Variants in IMMP2L observed in about 807,000 individuals in gnomAD.
IMMP2L encodes inner mitochondrial membrane peptidase subunit 2.
A neutral mutation model predicts 19.3 loss-of-function variants in IMMP2L; 18 were observed. That is an observed-to-expected ratio of 0.93 (90% CI 0.64 to 1.38). IMMP2L has a LOEUF of 1.38. IMMP2L is among the 40% of genes most tolerant of loss of function. The pLI is 0.00. For missense variants in IMMP2L, 233 were observed against 218.2 expected (o/e 1.07, Z -0.43); for synonymous variants, 76 against 73.0 (o/e 1.04, Z -0.21).
chr7:110,866,969 A>G (rs914332542), intron 5 of IMMP2L, among the ~76,000 whole-genome samples: 22 of 152,194 alleles, frequency 1.4e-4, no homozygotes, highest in Admixed American at 1.2e-3. Flanking sequence ...ATATATATAT[A>G]CCTCAATATA....
chr7:111,549,984 G>C (rs952639551), intron 1 of IMMP2L, among the ~76,000 whole-genome samples: 1 of 148,976 alleles, frequency 6.7e-6, no homozygotes, highest in African/African-American at 2.5e-5. Flanking sequence ...AAAAGCACAA[G>C]CTAATTCATT....
At chr7:111,472,846 A>C (rs1405399868) in intron 3 of IMMP2L, among the ~76,000 whole-genome samples, 1 of 152,108 alleles carries the variant, frequency 6.6e-6, no homozygotes, top group Non-Finnish European at 1.5e-5. Flanking sequence ...CTGTAATCCC[A>C]GCACTTTGGG....
At chr7:111,068,130 T>A (rs1037913806) in intron 3 of IMMP2L, among the ~76,000 whole-genome samples, 12 of 152,180 alleles carry the variant, frequency 7.9e-5, no homozygotes, top group Non-Finnish European at 1.6e-4. Flanking sequence ...TGTATATGTG[T>A]ATCAGCAAAT....
chr7:111,399,650 C>T (rs560187456), intron 3 of IMMP2L, among the ~76,000 whole-genome samples: 6 of 152,106 alleles, frequency 3.9e-5, no homozygotes, highest in Admixed American at 1.3e-4. Flanking sequence ...CCTCTGCACC[C>T]GGCCTAGATG....
intron 3 of IMMP2L, among the ~76,000 whole-genome samples, chr7:111,361,047 A>G (rs1482732326): frequency 1.3e-5 from 2 of 152,082 alleles, no homozygotes; most frequent in Non-Finnish European, 2.9e-5. Context: ...TTAGGGTCCT[A>G]AATTTTTAAG....
rs573427525 is a variant in IMMP2L at position 111,431,353 on chromosome 7, G to A, written c.239+55885C>T. 7.9e-5 allele frequency among the ~76,000 whole-genome samples: 12 copies of A among 151,874 alleles called. No individual in the cohort carries two copies. The East Asian group carries it at 1.2e-3, about 15-fold the overall frequency. On this transcript the variant is annotated intron_variant, in intron 3 of 5. Transcript: ENST00000405709. ...TCAGTGTAAAGAGAAATTGTTGTAC[G>A]CTCATGAGCAAGTCAGTTTGCTTGG...
intron 5 of IMMP2L, among the ~76,000 whole-genome samples, chr7:110,868,206 A>G (rs1168389442): frequency 6.6e-6 from 1 of 151,396 alleles, no homozygotes; most frequent in African/African-American, 2.4e-5. Context: ...GAGCAAGACT[A>G]ACTAAATCAA....
intron 3 of IMMP2L, among the ~76,000 whole-genome samples, chr7:111,472,639 G>C (rs934256443): frequency 3.3e-5 from 5 of 152,108 alleles, no homozygotes; most frequent in African/African-American, 1.2e-4. Flanking sequence ...ATTAAGAAAA[G>C]ACACAATTAT....
At chr7:111,128,866 C>T (rs775811762) in intron 3 of IMMP2L, among the ~76,000 whole-genome samples, 37 of 152,098 alleles carry the variant, frequency 2.4e-4, no homozygotes, top group Non-Finnish European at 1.0e-4. Context: ...TATTTCTATG[C>T]ATAAAACATG....
At chr7:110,824,548 G>A (rs1305872463) in intron 5 of IMMP2L, among the ~76,000 whole-genome samples, 1 of 151,864 alleles carries the variant, frequency 6.6e-6, no homozygotes, top group African/African-American at 2.4e-5. Context: ...TTTTAATTTT[G>A]GTAAAGATGG....
intron 5 of IMMP2L, among the ~76,000 whole-genome samples, chr7:110,878,590 A>C (rs1033494594): frequency 6.6e-6 from 1 of 152,100 alleles, no homozygotes; most frequent in Non-Finnish European, 1.5e-5. Flanking sequence ...AAATACAGTT[A>C]AATATTATTT....
intron 5 of IMMP2L, among the ~76,000 whole-genome samples, chr7:110,715,432 C>G (rs1310427142): frequency 6.6e-6 from 1 of 152,114 alleles, no homozygotes; most frequent in Non-Finnish European, 1.5e-5. Flanking sequence ...CTTAACACTG[C>G]TTTTGATACA....
chr7:110,986,271 C>T (rs983820807), intron 3 of IMMP2L, among the ~76,000 whole-genome samples: 2 of 152,042 alleles, frequency 1.3e-5, no homozygotes, highest in Non-Finnish European at 2.9e-5. Flanking sequence ...AGTTCTAGGA[C>T]CCTGTTACAC....
chr7:111,206,062 A>T (rs1810671212), intron 3 of IMMP2L, among the ~76,000 whole-genome samples: 1 of 152,190 alleles, frequency 6.6e-6, no homozygotes, highest in Non-Finnish European at 1.5e-5. Flanking sequence ...AAGACATCCC[A>T]ATGATACCAA....
At chr7:110,960,600 A>T (rs749519773) in intron 4 of IMMP2L, among the ~76,000 whole-genome samples, 15 of 151,938 alleles carry the variant, frequency 9.9e-5, no homozygotes, top group Non-Finnish European at 2.2e-4. Context: ...ATATATATCA[A>T]ATGGCTTTCT....
At chr7:111,122,984 C>T (rs1394576295) in intron 3 of IMMP2L, 11 of 1,614,026 alleles carry the variant, frequency 6.8e-6, no homozygotes, top group East Asian at 2.2e-5. Flanking sequence ...CCAGCTAACA[C>T]ACAGATTCTT....
At chr7:111,026,800 C>A (rs571507884) in intron 3 of IMMP2L, among the ~76,000 whole-genome samples, 39 of 152,208 alleles carry the variant, frequency 2.6e-4, no homozygotes, top group South Asian at 6.2e-4. Flanking sequence ...CTGTTAGTTT[C>A]TTTTGCAGGG....
At chr7:111,111,954 T>G (rs190622680) in intron 3 of IMMP2L, among the ~76,000 whole-genome samples, 8 of 134,290 alleles carry the variant, frequency 6.0e-5, no homozygotes, top group African/African-American at 8.4e-5. Context: ...TTTTTTTTTT[T>G]TTTTTTTTTT....
chr7:110,754,551 GAA>G (rs1187119319), intron 5 of IMMP2L, among the ~76,000 whole-genome samples: 2 of 152,000 alleles, frequency 1.3e-5, no homozygotes, highest in Non-Finnish European at 2.9e-5. Flanking sequence ...TATAGAAAAT[GAA>G]AAGTTATTTT....
Sources: gnomAD v4.1 joint callset for allele counts (sites outside exome capture counted in the v4.1 genomes callset) on GRCh38, gnomAD v4.1.1 for gene constraint, MANE v1.5 for transcripts, NCBI Gene and HGNC (gene_info 2026-07-23, HGNC 2026-07-21) for gene names.